MAML2: variants seen among roughly 807,000 people sequenced by gnomAD.
MAML2 encodes mastermind like transcriptional coactivator 2.
In MAML2, 22 loss-of-function variants were observed where a neutral mutation model predicts 96.1. The observed-to-expected ratio is 0.23, with a 90% confidence interval of 0.16 to 0.33. The LOEUF (loss-of-function observed/expected upper bound fraction) is 0.33. MAML2 is among the 10% of genes least tolerant of loss of function. MAML2 has a pLI of 1.00. For synonymous variants in MAML2, 561 were observed against 521.3 expected (o/e 1.08, Z -1.04); for missense variants, 1,367 against 1,392.4 (o/e 0.98, Z 0.29).
chr11:96,172,542 C>T (rs1239110366), intron 1 of MAML2, among the ~76,000 whole-genome samples: 1 of 152,212 alleles, frequency 6.6e-6, no homozygotes, highest in Non-Finnish European at 1.5e-5. Context: ...CCTAATGCTA[C>T]ATTTCAGAAT....
At chr11:96,251,793 G>A (rs1457845174) in intron 1 of MAML2, among the ~76,000 whole-genome samples, 4 of 149,760 alleles carry the variant, frequency 2.7e-5, no homozygotes, top group African/African-American at 7.4e-5. Flanking sequence ...GTGCAGTGAC[G>A]CGATCTTGGC....
chr11:96,076,625 G>A (rs550217985), intron 2 of MAML2, among the ~76,000 whole-genome samples: 1 of 152,188 alleles, frequency 6.6e-6, no homozygotes, highest in South Asian at 2.1e-4. Flanking sequence ...GAACAGCCTG[G>A]GGAGGTTCTC....
Position 96,190,270 on chromosome 11 carries a change from C to T in MAML2, c.514-96753G>A, listed in dbSNP as rs140442120. On this transcript the variant is annotated intron_variant, in intron 1 of 4. Coordinates refer to ENST00000524717, the MANE Select transcript of MAML2 (RefSeq NM_032427.4). The stretch of plus-strand genomic sequence containing the variant: ...TACCTCATTTAATCCACCCAACAGC[C>T]CTAGAAAGGAAGTACTGTTGCAGAT... Among the ~76,000 whole-genome samples, 1,233 of 152,200 alleles carry T rather than the reference C, an allele frequency of 8.1e-3. 22 individuals carry two copies. Among genetic ancestry groups the T allele is most frequent in the African/African-American group, 0.028 (1,161 of 41,512 alleles).
chr11:96,012,011 T>C (rs1858274492), intron 2 of MAML2, among the ~76,000 whole-genome samples: 1 of 152,220 alleles, frequency 6.6e-6, no homozygotes, highest in Non-Finnish European at 1.5e-5. Context: ...CCATAAAATC[T>C]ACTTTTATTT....
intron 2 of MAML2, among the ~76,000 whole-genome samples, chr11:96,070,911 C>A (rs2135787961): frequency 6.6e-6 from 1 of 152,366 alleles, no homozygotes; most frequent in East Asian, 1.9e-4. Flanking sequence ...GTACTAACTA[C>A]AAAAGGTCTT....
intron 1 of MAML2, among the ~76,000 whole-genome samples, chr11:96,183,389 T>G (rs1861519353): frequency 8.3e-6 from 1 of 121,026 alleles, no homozygotes; most frequent in Non-Finnish European, 1.7e-5. Flanking sequence ...CCTTCCTCCG[T>G]TCCTCCCCCC....
At chr11:96,090,624 A>T (rs1210347931) in intron 2 of MAML2, among the ~76,000 whole-genome samples, 2 of 152,232 alleles carry the variant, frequency 1.3e-5, no homozygotes, top group Non-Finnish European at 2.9e-5. Flanking sequence ...TTGTAAAAAA[A>T]CATATGTGTG....
At chr11:95,984,415 G>T (rs1375251268) in intron 4 of MAML2, among the ~76,000 whole-genome samples, 3 of 152,180 alleles carry the variant, frequency 2.0e-5, no homozygotes, top group Non-Finnish European at 4.4e-5. Flanking sequence ...CTGAGGCGAA[G>T]TAATCTTAGA....
chr11:96,121,776 C>T lies in MAML2; in HGVS notation c.514-28259G>A, dbSNP rs189939906. ...TGTGTCCATTCCATATTCCCAACTGCGTGATTTTTTTTTTTTTTTTTTTTT... is the reference window on the plus strand; with the variant it reads ...TGTGTCCATTCCATATTCCCAACTGTGTGATTTTTTTTTTTTTTTTTTTTT... On this transcript the variant is annotated intron_variant, in intron 1 of 4. Coordinates refer to ENST00000524717, the MANE Select transcript of MAML2 (RefSeq NM_032427.4). Among the ~76,000 whole-genome samples the T allele has an allele frequency of 6.1e-3, 323 of 53,062 alleles. 1 individual carries two copies. Among genetic ancestry groups the T allele is most frequent in the African/African-American group, 0.024 (309 of 12,676 alleles). The allele number at this position is 53,062 out of a possible 152,430, so 34.8% of individuals were successfully genotyped here.
chr11:96,335,511 G>A (rs561000762), intron 1 of MAML2, among the ~76,000 whole-genome samples: 4 of 152,252 alleles, frequency 2.6e-5, no homozygotes, highest in Non-Finnish European at 5.9e-5. Context: ...TAGTGTCAAA[G>A]GGCATGTCAT....
chr11:96,269,669 C>T (rs1862885995), intron 1 of MAML2, among the ~76,000 whole-genome samples: 1 of 143,796 alleles, frequency 7.0e-6, no homozygotes. Flanking sequence ...TGCCACTATA[C>T]TCAGCTAAGT....
intron 2 of MAML2, among the ~76,000 whole-genome samples, chr11:96,016,255 G>A (rs886254594): frequency 2.1e-5 from 3 of 139,650 alleles, no homozygotes; most frequent in African/African-American, 5.3e-5. Context: ...CACTGCCTAC[G>A]TGTACATGGG....
Position 96,014,596 on chromosome 11 carries a change from T to A in MAML2, c.2140-22873A>T, listed in dbSNP as rs578250468. 2.0e-5 allele frequency among the ~76,000 whole-genome samples: 3 copies of A among 152,322 alleles called. No homozygotes were observed. The South Asian group carries it at 6.2e-4, about 32-fold the overall frequency. ...TATTTTGACTCAATTCAACTTGTAG[T>A]AAAAAACTCTAACTGGTTCTGTGTT... On this transcript the variant is annotated intron_variant, in intron 2 of 4. Coordinates refer to ENST00000524717, the MANE Select transcript of MAML2 (RefSeq NM_032427.4).
Position 96,102,158 on chromosome 11 carries a change from C to T in MAML2, c.514-8641G>A, listed in dbSNP as rs558076188. Among the ~76,000 whole-genome samples, 166 of 152,236 alleles carry T rather than the reference C, an allele frequency of 1.1e-3. 1 individual carries two copies. Among genetic ancestry groups the T allele is most frequent in the African/African-American group, 3.8e-3 (159 of 41,540 alleles). On this transcript the variant is annotated intron_variant, in intron 1 of 4. Coordinates refer to ENST00000524717, the MANE Select transcript of MAML2 (RefSeq NM_032427.4). ...GGGCGTGGTGGCGGGTGCCTGTAGT[C>T]CCAGCTACTTGGGAGGCTGAGGCAG... is the stretch of plus-strand genomic sequence containing the variant.
At chr11:96,046,614 C>G (rs142105942) in intron 2 of MAML2, among the ~76,000 whole-genome samples, 5 of 152,332 alleles carry the variant, frequency 3.3e-5, no homozygotes, top group African/African-American at 1.2e-4. Context: ...AACAGGTGAA[C>G]TCTGCTTACA....
intron 2 of MAML2, among the ~76,000 whole-genome samples, chr11:96,062,806 A>AT (rs895070265): frequency 6.6e-6 from 1 of 152,028 alleles, no homozygotes; most frequent in Admixed American, 6.5e-5. Context: ...ACCTAAGAAC[A>AT]TTTTTTGTTC....
chr11:96,144,843 C>T (rs1361288319), intron 1 of MAML2, among the ~76,000 whole-genome samples: 1 of 152,078 alleles, frequency 6.6e-6, no homozygotes, highest in African/African-American at 2.4e-5. Flanking sequence ...TATACAAATC[C>T]CGTGGAAGAG....
chr11:96,064,469 A>C (rs1443224312), intron 2 of MAML2, among the ~76,000 whole-genome samples: 1 of 152,224 alleles, frequency 6.6e-6, no homozygotes, highest in African/African-American at 2.4e-5. Context: ...ATGTGGAAAA[A>C]TAGTTGTATA....
chr11:96,020,140 T>A (rs574392260), intron 2 of MAML2, among the ~76,000 whole-genome samples: 6 of 152,250 alleles, frequency 3.9e-5, no homozygotes, highest in African/African-American at 1.4e-4. Flanking sequence ...GAAGAGTAAT[T>A]GGGAGGGTTT....
Sources: gnomAD v4.1 joint callset for allele counts (sites outside exome capture counted in the v4.1 genomes callset) on GRCh38, gnomAD v4.1.1 for gene constraint, MANE v1.5 for transcripts, NCBI Gene and HGNC (gene_info 2026-07-23, HGNC 2026-07-21) for gene names.